The following FAM168B variants were observed in gnomAD, a reference collection of about 807,000 sequenced individuals.
FAM168B encodes the protein myelin-associated neurite-outgrowth inhibitor.
In FAM168B, 19 loss-of-function variants were observed where a neutral mutation model predicts 21.8. That is an observed-to-expected ratio of 0.87 (90% confidence interval 0.61 to 1.28). The LOEUF (loss-of-function observed/expected upper bound fraction) is 1.28, where lower values mean the gene tolerates loss of function less well. Among genes scored for constraint, FAM168B ranks in the 50% most tolerant of loss-of-function variants. FAM168B has a pLI of 0.00. For missense variants in FAM168B, 233 were observed against 263.1 expected, an observed-to-expected ratio of 0.89 and a Z score of 0.79; for synonymous variants, 126 against 104.8, an observed-to-expected ratio of 1.20 and a Z score of -1.24.
intron 2 of FAM168B, among the ~76,000 whole-genome samples, chr2:131,081,846 G>A (rs557139937): frequency 3.0e-4 from 45 of 152,302 alleles, no homozygotes; most frequent in Admixed American, 1.8e-3. Context: ...CCTCCTGCAA[G>A]TTCAGTTATA....
chr2:131,069,307 G>A lies in FAM168B; in HGVS notation c.154+2548C>T, dbSNP rs552562156. 5.7e-3 allele frequency among the ~76,000 whole-genome samples: 867 copies of A among 152,268 alleles called. 5 individuals carry two copies. Among genetic ancestry groups the A allele is most frequent in the African/African-American group, 0.019 (782 of 41,558 alleles). ...AGTAACTTACGTTATGGTGGTCTAC[G>A]GCATGATCATCACATGCCACATTGA... On this transcript the variant is annotated intron_variant, in intron 3 of 6. Coordinates refer to ENST00000389915, the MANE Select transcript of FAM168B (RefSeq NM_001009993.4).
intron 1 of FAM168B, among the ~76,000 whole-genome samples, chr2:131,084,448 C>A (rs12105793): frequency 0.17 from 25,981 of 151,912 alleles, 2,697 homozygotes; most frequent in African/African-American, 0.3. Context: ...TATCCACCCA[C>A]CTCAGCTTCC....
rs1318877879 is a variant in FAM168B at position 131,050,950 on chromosome 2, C to T, written c.*1515G>A. 1 of 985,428 alleles carries T rather than the reference C, an allele frequency of 1.0e-6. No individual in the cohort carries two copies. Among genetic ancestry groups the T allele is most frequent in the Admixed American group, 6.1e-5 (1 of 16,266 alleles). The allele number at this position is 985,428 out of a possible 1,614,324, so 61.0% of individuals were successfully genotyped here. On this transcript the variant is annotated 3_prime_UTR_variant, in exon 7 of 7. Transcript: ENST00000389915. ...CCCCACTCTGACCCTCACTGAGAAC[C>T]GACATGCACTCTCATGGATACAGGA...
intron 1 of FAM168B, among the ~76,000 whole-genome samples, chr2:131,091,332 G>A (rs922666932): frequency 7.2e-5 from 10 of 139,106 alleles, no homozygotes; most frequent in African/African-American, 2.4e-4. Flanking sequence ...GAACAAAACT[G>A]TCTCAAAAAA....
At chr2:131,088,573 C>T (rs942215327) in intron 1 of FAM168B, among the ~76,000 whole-genome samples, 4 of 152,136 alleles carry the variant, frequency 2.6e-5, no homozygotes, top group Non-Finnish European at 5.9e-5. Flanking sequence ...TACTGGGTAT[C>T]AGCTGGTATG....
At chr2:131,082,785 GC>G (rs1309644887) in intron 1 of FAM168B, 128 bp from the exon 2 acceptor site, 16 of 596,610 alleles carry the variant, frequency 2.7e-5, no homozygotes, top group Non-Finnish European at 5.9e-6. Flanking sequence ...ATTTCATGCT[GC>G]CCCCAACCAG....
rs376992783 is a variant in FAM168B at position 131,092,232 on chromosome 2, C to A, written c.-12+982G>T. On this transcript the variant is annotated intron_variant, in intron 1 of 6. Transcript: ENST00000389915. ...TAATTTCCCTTTAAACTACGGAACT[C>A]CACCAAAGTAAGCCTGCTTTGTAAA... Among the ~76,000 whole-genome samples, 6 of 152,048 alleles carry A rather than the reference C, an allele frequency of 3.9e-5. No homozygotes were observed. In the East Asian group the frequency reaches 7.7e-4, roughly 20 times the overall value.
chr2:131,077,949 G>A (rs1421601162), intron 2 of FAM168B, among the ~76,000 whole-genome samples: 3 of 152,166 alleles, frequency 2.0e-5, no homozygotes, highest in African/African-American at 4.8e-5. Context: ...GAAACCCTGC[G>A]CTCCAGAATA....
At chr2:131,059,227 G>T (rs1438675494) in intron 3 of FAM168B, among the ~76,000 whole-genome samples, 1 of 152,152 alleles carries the variant, frequency 6.6e-6, no homozygotes, top group Non-Finnish European at 1.5e-5. Context: ...AGAAATCACA[G>T]GAAAACAAAC....
rs1691482462 is a variant in FAM168B at position 131,049,051 on chromosome 2, T to A, written c.*3414A>T. On this transcript the variant is annotated 3_prime_UTR_variant, in exon 7 of 7. Coordinates refer to ENST00000389915, the MANE Select transcript of FAM168B (RefSeq NM_001009993.4). ...CAGACACCAATACTTACATAACTAG[T>A]ACATGTTGGCCTTTCACCAGCACTC... 7 of 985,332 alleles carry A rather than the reference T, an allele frequency of 7.1e-6. No individual in the cohort carries two copies. The South Asian group carries it at 2.8e-4, about 40-fold the overall frequency. The allele number at this position is 985,332 out of a possible 1,614,324, so 61.0% of individuals were successfully genotyped here.
chr2:131,052,783 G>T (rs1384278952), intron 6 of FAM168B, 108 bp downstream of exon 6: 65 of 1,456,866 alleles, frequency 4.5e-5, no homozygotes, highest in Non-Finnish European at 5.7e-5. Flanking sequence ...CTGGATCCAG[G>T]GTCAGGCACA....
chr2:131,065,743 C>T (rs928570416), intron 3 of FAM168B, among the ~76,000 whole-genome samples: 2 of 148,020 alleles, frequency 1.4e-5, no homozygotes, highest in South Asian at 2.1e-4. Context: ...GAGCTGAGAT[C>T]GCACTACTGC....
chr2:131,090,388 T>C (rs1173695467), intron 1 of FAM168B, among the ~76,000 whole-genome samples: 1 of 149,104 alleles, frequency 6.7e-6, no homozygotes, highest in Non-Finnish European at 1.5e-5. Flanking sequence ...TTTGGAAACA[T>C]ACCATCTCTA....
In FAM168B at chr2:131,078,343, A is replaced by C. The variant is rs543361111; in HGVS notation, c.70+4234T>G. On this transcript the variant is annotated intron_variant, in intron 2 of 6. Coordinates refer to ENST00000389915, the MANE Select transcript of FAM168B (RefSeq NM_001009993.4). ...TATAGCAAATTAGAGCAGAATTAGC[A>C]GGACAAATGGAAGCAGATCAGTATA... 2.0e-5 allele frequency among the ~76,000 whole-genome samples: 3 copies of C among 152,358 alleles called. No individual in the cohort carries two copies. In the East Asian group the frequency reaches 5.8e-4, roughly 29 times the overall value.
intron 3 of FAM168B, among the ~76,000 whole-genome samples, chr2:131,068,507 CAGA>C (rs1328950419): frequency 7.9e-5 from 12 of 152,128 alleles, no homozygotes. Flanking sequence ...CCTACAAGAC[CAGA>C]AGATCTGGCA....
chr2:131,054,183 T>C (rs1197126029), intron 5 of FAM168B, among the ~76,000 whole-genome samples: 2 of 151,438 alleles, frequency 1.3e-5, no homozygotes, highest in Non-Finnish European at 2.9e-5. Context: ...CACTCCATCT[T>C]GGCTGACAGG....
chr2:131,083,905 TTTA>T (rs1693547910), intron 1 of FAM168B, among the ~76,000 whole-genome samples: 1 of 150,658 alleles, frequency 6.6e-6, no homozygotes, highest in Non-Finnish European at 1.5e-5. Flanking sequence ...TATTTATTTA[TTTA>T]TTTATTTATT....
intron 2 of FAM168B, among the ~76,000 whole-genome samples, chr2:131,076,069 A>G (rs1693138725): frequency 6.6e-6 from 1 of 152,080 alleles, no homozygotes; most frequent in Admixed American, 6.6e-5. Context: ...TGGACTGCAC[A>G]AAACCCACAG....
chr2:131,091,927 G>GGAT (rs1383962629), intron 1 of FAM168B, among the ~76,000 whole-genome samples: 1 of 150,470 alleles, frequency 6.6e-6, no homozygotes, highest in Non-Finnish European at 1.5e-5. Context: ...CAGGAGATTG[G>GGAT]GACCATCCTG....
Sources: gnomAD v4.1 joint callset for allele counts (sites outside exome capture counted in the v4.1 genomes callset) on GRCh38, gnomAD v4.1.1 for gene constraint, MANE v1.5 for transcripts, NCBI Gene and HGNC (gene_info 2026-07-23, HGNC 2026-07-21) for gene names.